The following ZSCAN12 variants were observed in gnomAD, a reference collection of about 807,000 sequenced individuals.
ZSCAN12 encodes the protein zinc finger and SCAN domain containing 12, also known as zinc finger and SCAN domain-containing protein 12.
ZSCAN12 carries 18 observed loss-of-function variants against 23.4 expected under a neutral mutation model. That is an observed-to-expected ratio of 0.77 (90% CI 0.53 to 1.14). The LOEUF (loss-of-function observed/expected upper bound fraction) is 1.14, where lower values mean the gene tolerates loss of function less well. Ranked by LOEUF, ZSCAN12 falls within the 50% of genes most tolerant of loss-of-function variation. ZSCAN12 has a pLI of 0.00. For synonymous variants in ZSCAN12, 186 were observed against 253.4 expected (o/e 0.73, Z 2.53); for missense variants, 650 against 735.0 (o/e 0.88, Z 1.34).
In ZSCAN12 at chr6:28,384,948, G is replaced by T. The variant is rs1256842805; in HGVS notation, c.*5506C>A. Among the ~76,000 whole-genome samples the T allele has an allele frequency of 1.3e-5, 2 of 152,156 alleles. No individual in the cohort carries two copies. Among genetic ancestry groups the T allele is most frequent in the African/African-American group, 4.8e-5 (2 of 41,426 alleles). ...GAGATTCAATTAAAGGCTATCGAAT[G>T]ATTATGTCTAGGTTGAACAACAAGC... On this transcript the variant is annotated 3_prime_UTR_variant, in exon 4 of 4. Coordinates refer to ENST00000684592, the MANE Select transcript of ZSCAN12 (RefSeq NM_001163391.2).
rs772416265 is a variant in ZSCAN12 at position 28,398,439 on chromosome 6, A to G, written c.-34T>C. 15 of 1,501,910 alleles carry G rather than the reference A, an allele frequency of 1.0e-5. No homozygotes were observed. Among genetic ancestry groups the G allele is most frequent in the Admixed American group, 2.2e-5 (1 of 45,110 alleles). The allele number at this position is 1,501,910 out of a possible 1,614,324, so 93.0% of individuals were successfully genotyped here. On this transcript the variant is annotated 5_prime_UTR_variant, in exon 2 of 4. Transcript: ENST00000684592. ...TGCTAGAACTACCGGTGTTTCAAGT[A>G]AGATCTCACCTGGAAACTGTATTCC... is the stretch of plus-strand genomic sequence containing the variant.
chr6:28,382,377 G>A (rs1256617172), downstream of ZSCAN12: 3 of 1,420,610 alleles, frequency 2.1e-6, no homozygotes, highest in Non-Finnish European at 2.8e-6. Context: ...TAAAGTCCAG[G>A]TAGCTATCTC....
At chr6:28,393,075 C>T in intron 2 of ZSCAN12, 29 bp from the exon 3 acceptor site, 1 of 1,549,080 alleles carries the variant, frequency 6.5e-7, no homozygotes, top group Non-Finnish European at 8.7e-7. Flanking sequence ...AGCTGACAGA[C>T]TCACTCTGAT....
At position 28,388,772 on chromosome 6, in the gene ZSCAN12, G is replaced by A. The variant is rs1760673511; in HGVS notation, c.*1682C>T. On this transcript the variant is annotated 3_prime_UTR_variant, in exon 4 of 4. Coordinates refer to ENST00000684592, the MANE Select transcript of ZSCAN12 (RefSeq NM_001163391.2). ...GAGAGGACTGGAGTTGTGTTGGGGT[G>A]TAGTAGGAAGTTAGTCCCAGAAACT... is the stretch of plus-strand genomic sequence containing the variant. 6.6e-6 allele frequency among the ~76,000 whole-genome samples: 1 copy of A among 152,214 alleles called. No homozygotes were observed.
Position 28,389,240 on chromosome 6 carries a change from CAGA to C in ZSCAN12, c.*1211_*1213del. On this transcript the variant is annotated 3_prime_UTR_variant, in exon 4 of 4. Coordinates refer to ENST00000684592, the MANE Select transcript of ZSCAN12 (RefSeq NM_001163391.2). ...AACAAACAACACAAGGCCTTGCACT[CAGA>C]AGACCCTTGGAATGTAGGTCTGTCT... Among the ~76,000 whole-genome samples the C allele has an allele frequency of 6.6e-6, 1 of 152,288 alleles. No homozygotes were observed. The highest frequency in any genetic ancestry group is 2.1e-4 in the South Asian group (1 of 4,816).
chr6:28,379,013 C>G (rs1457865692), exon 5 of ZSCAN12: 1 of 152,080 alleles, frequency 6.6e-6, no homozygotes, highest in South Asian at 2.1e-4. Flanking sequence ...TAGGGATGTA[C>G]AGCAGAGGGA....
At chr6:28,382,680 C>G (rs1760320687), downstream of ZSCAN12, 4 of 1,491,994 alleles carry the variant, frequency 2.7e-6, no homozygotes, top group Admixed American at 2.4e-5. Flanking sequence ...ACTCACTTAT[C>G]TGAACAAGGC....
rs900835936 is a variant in ZSCAN12, at chr6:28,389,408, A to G, written c.*1046T>C. Among the ~76,000 whole-genome samples the G allele has an allele frequency of 2.0e-5, 3 of 152,212 alleles. No homozygotes were observed. Among genetic ancestry groups the G allele is most frequent in the Non-Finnish European group, 4.4e-5 (3 of 68,036 alleles). ...TTCCCTGTAAGGATCTCCTTGTGCT[A>G]AAAGTCTGCAGTGGCCTTTAGTTTA... On this transcript the variant is annotated 3_prime_UTR_variant, in exon 4 of 4. Coordinates refer to ENST00000684592, the MANE Select transcript of ZSCAN12 (RefSeq NM_001163391.2).
At position 28,398,152 on chromosome 6, in the gene ZSCAN12, A is replaced by G. The variant is rs1761210468; in HGVS notation, c.254T>C (p.Ile85Thr). Reference protein sequence around the residue: ...LRPETHTKEQILELLVLEQFL... With the variant: ...LRPETHTKEQTLELLVLEQFL... ...CTGCTCCAGCACCAGCAGCTCCAGA[A>G]TCTGTTCTTTGGTGTGGGTCTCTGG... Residue 85 changes from isoleucine (I) to threonine (T), a missense_variant, in exon 2 of 4, where the codon ATT (isoleucine) becomes ACT (threonine). Physicochemically the swap from Ile to Thr is moderately conservative, Grantham distance 89 (BLOSUM62 -1). Transcript: ENST00000684592. 6 of 1,613,904 alleles carry G rather than the reference A, an allele frequency of 3.7e-6. No homozygotes were observed. The highest frequency in any genetic ancestry group is 4.2e-6 in the Non-Finnish European group (5 of 1,179,984).
At chr6:28,397,462 C>T (rs985644540) in intron 2 of ZSCAN12, among the ~76,000 whole-genome samples, 1 of 152,194 alleles carries the variant, frequency 6.6e-6, no homozygotes, top group Non-Finnish European at 1.5e-5. Context: ...ACTATCTCAA[C>T]TCTGCTATTT....
At position 28,386,141 on chromosome 6, in the gene ZSCAN12, G is replaced by A. The variant is rs949842371; in HGVS notation, c.*4313C>T. Among the ~76,000 whole-genome samples the A allele has an allele frequency of 6.6e-5, 10 of 152,124 alleles. No individual in the cohort carries two copies. The East Asian group carries it at 1.5e-3, about 23-fold the overall frequency. ...CAGGTTACGTTTTCATTCATAGCCCGTGTTGAAACTCACCTCACTTTTCAT... is the reference window on the plus strand; with the variant it reads ...CAGGTTACGTTTTCATTCATAGCCCATGTTGAAACTCACCTCACTTTTCAT... On this transcript the variant is annotated 3_prime_UTR_variant, in exon 4 of 4. Transcript: ENST00000684592.
chr6:28,391,347 T>C lies in ZSCAN12; in HGVS notation c.943A>G (p.Thr315Ala). 6.4e-7 allele frequency: 1 copy of C among 1,552,178 alleles called. No individual in the cohort carries two copies. The highest frequency in any genetic ancestry group is 8.7e-7 in the Non-Finnish European group (1 of 1,147,130). Residue 315 changes from threonine to alanine, a missense_variant, in exon 4 of 4, where the codon ACT (threonine) becomes GCT (alanine). Physicochemically the swap from Thr to Ala is moderately conservative, Grantham distance 58 (BLOSUM62 0). Coordinates refer to ENST00000684592, the MANE Select transcript of ZSCAN12 (RefSeq NM_001163391.2). This position sits in a 1 kb window ranked among gnomAD's most constrained non-coding sequence, Gnocchi z 4.1. ...EECGKAFRGR[T>A]VLIRHKIIHT... Reference sequence around the variant, plus strand: ...ATTATTTTGTGTCGAATAAGCACAGTTCTCCCACGGAAAGCTTTTCCACAT... The same window carrying C: ...ATTATTTTGTGTCGAATAAGCACAGCTCTCCCACGGAAAGCTTTTCCACAT...
rs540864524 is a variant in ZSCAN12 at position 28,395,461 on chromosome 6, C to A, written c.403-2415G>T. Among the ~76,000 whole-genome samples the A allele has an allele frequency of 5.9e-5, 9 of 152,324 alleles. No individual in the cohort carries two copies. In the South Asian group the frequency reaches 1.9e-3, roughly 32 times the overall value. On this transcript the variant is annotated intron_variant, in intron 2 of 3. Coordinates refer to ENST00000684592, the MANE Select transcript of ZSCAN12 (RefSeq NM_001163391.2). ...ATCCAATCACATTTTACCACTCCCA[C>A]TGCTACTATTCTAGTCCAAGTCACC...
chr6:28,395,922 C>T (rs994002605), intron 2 of ZSCAN12, among the ~76,000 whole-genome samples: 1 of 152,092 alleles, frequency 6.6e-6, no homozygotes, highest in African/African-American at 2.4e-5. Context: ...GAAAACAGCA[C>T]AATCCCCACT....
chr6:28,394,627 C>A (rs1267191792), intron 2 of ZSCAN12, among the ~76,000 whole-genome samples: 2 of 152,196 alleles, frequency 1.3e-5, no homozygotes, highest in Non-Finnish European at 2.9e-5. Flanking sequence ...TATGCCCCTG[C>A]AGTGCTTTCA....
At chr6:28,396,944 T>C (rs1180586490) in intron 2 of ZSCAN12, among the ~76,000 whole-genome samples, 2 of 152,162 alleles carry the variant, frequency 1.3e-5, no homozygotes, top group Admixed American at 1.3e-4. Context: ...TGCCACATGT[T>C]CCTACCCTCT....
At position 28,388,871 on chromosome 6, in the gene ZSCAN12, T is replaced by A. The variant is rs985068680; in HGVS notation, c.*1583A>T. Among the ~76,000 whole-genome samples, 2 of 152,180 alleles carry A rather than the reference T, an allele frequency of 1.3e-5. No homozygotes were observed. Among genetic ancestry groups the A allele is most frequent in the African/African-American group, 2.4e-5 (1 of 41,442 alleles). On this transcript the variant is annotated 3_prime_UTR_variant, in exon 4 of 4. Coordinates refer to ENST00000684592, the MANE Select transcript of ZSCAN12 (RefSeq NM_001163391.2). ...CTCAGTAGAGATTAAGAATGATTTC[T>A]GTAAATAAAAAGACAGATCAGGAGC...
At chr6:28,399,063 A>G (rs1024880554) in intron 1 of ZSCAN12, among the ~76,000 whole-genome samples, 1 of 152,264 alleles carries the variant, frequency 6.6e-6, no homozygotes, top group African/African-American at 2.4e-5. Flanking sequence ...AGACAAATGG[A>G]ATAAAACTAA....
rs1481948770 is a variant in ZSCAN12 at position 28,393,003 on chromosome 6, G to A, written c.446C>T (p.Thr149Met). ...TGEQEMFLQE[T>M]VRLRKEGEPS... Reference sequence around the variant, plus strand: ...TTCTCCTTCTTTTCGTAGACGTACCGTCTCCTGCAAGAACATTTCCTGTTC... The same window carrying A: ...TTCTCCTTCTTTTCGTAGACGTACCATCTCCTGCAAGAACATTTCCTGTTC... Residue 149 changes from threonine to methionine, a missense_variant, in exon 3 of 4, where the codon ACG becomes ATG. Physicochemically the swap from Thr to Met is moderately conservative, Grantham distance 81 (BLOSUM62 -1). Transcript: ENST00000684592. 1.7e-5 allele frequency: 27 copies of A among 1,551,870 alleles called. No individual in the cohort carries two copies. The highest frequency in any genetic ancestry group is 7.3e-5 in the East Asian group (3 of 40,920).
Sources: gnomAD v4.1 joint callset for allele counts (sites outside exome capture counted in the v4.1 genomes callset) on GRCh38, gnomAD v4.1.1 for gene constraint, Gnocchi (gnomAD v3.1) non-coding constraint, MANE v1.5 for transcripts, NCBI Gene and HGNC (gene_info 2026-07-23, HGNC 2026-07-21) for gene names.